XKR4: variants seen among roughly 807,000 people sequenced by gnomAD.
XKR4 encodes XK related 4, also known as XK-related protein 4.
In XKR4, 12 loss-of-function variants were observed where a neutral mutation model predicts 53.9. The ratio of observed to expected loss-of-function variants is 0.22; its 90% CI spans 0.14 to 0.36. The LOEUF is 0.36. Ranked by LOEUF, XKR4 falls within the 10% of genes least tolerant of loss-of-function variation. The probability of loss-of-function intolerance (pLI) is 1.00; values close to 1 mark genes in which losing one functional copy is unlikely to be tolerated. For missense variants in XKR4, 799 were observed against 859.5 expected (o/e 0.93, Z 0.88); for synonymous variants, 354 against 362.4 (o/e 0.98, Z 0.26).
intron 1 of XKR4, among the ~76,000 whole-genome samples, chr8:55,168,942 A>G (rs751117467): frequency 6.6e-6 from 1 of 152,200 alleles, no homozygotes; most frequent in African/African-American, 2.4e-5. Context: ...CTGCAGGCCT[A>G]TGAAAAATCC....
intron 1 of XKR4, among the ~76,000 whole-genome samples, chr8:55,262,156 G>C (rs964841112): frequency 2.0e-5 from 3 of 152,118 alleles, no homozygotes; most frequent in African/African-American, 7.2e-5. Context: ...AAATAGGTAG[G>C]ATATTGATAA....
intron 1 of XKR4, among the ~76,000 whole-genome samples, chr8:55,247,789 C>T (rs879506727): frequency 8.0e-5 from 12 of 150,576 alleles, no homozygotes; most frequent in Non-Finnish European, 1.5e-4. Context: ...GCTACTCTTT[C>T]AGTAACCAGT....
chr8:55,450,360 G>C (rs1805418890), intron 2 of XKR4: 1 of 680,346 alleles, frequency 1.5e-6, no homozygotes, highest in African/African-American at 1.8e-5. Context: ...CGTTGCTGTA[G>C]GGCCGCAGGA....
At chr8:55,450,483 C>G (rs913380131) in intron 2 of XKR4, 12 of 616,068 alleles carry the variant, frequency 1.9e-5, no homozygotes, top group African/African-American at 1.9e-4. Flanking sequence ...CCCTTCTCCT[C>G]GTACAGCAGC....
At chr8:55,458,732 T>A (rs1805607027) in intron 2 of XKR4, among the ~76,000 whole-genome samples, 1 of 152,230 alleles carries the variant, frequency 6.6e-6, no homozygotes, top group Non-Finnish European at 1.5e-5. Flanking sequence ...AAGCTGTCCC[T>A]CTGAAGTCAA....
intron 2 of XKR4, among the ~76,000 whole-genome samples, chr8:55,469,417 C>G (rs2939656): frequency 0.41 from 62,341 of 151,910 alleles, 13,466 homozygotes; most frequent in East Asian, 0.53. Context: ...AATATTTCCT[C>G]ATTACACACT....
intron 2 of XKR4, among the ~76,000 whole-genome samples, chr8:55,477,649 A>G (rs1432984164): frequency 6.6e-6 from 1 of 152,096 alleles, no homozygotes; most frequent in Non-Finnish European, 1.5e-5. Flanking sequence ...AAGAAGTTAA[A>G]AACGGTGAAA....
intron 1 of XKR4, among the ~76,000 whole-genome samples, chr8:55,341,931 C>T (rs1475414124): frequency 6.6e-6 from 1 of 152,122 alleles, no homozygotes; most frequent in African/African-American, 2.4e-5. Flanking sequence ...TAAGTGAGGG[C>T]AGTCTCATCT....
intron 2 of XKR4, among the ~76,000 whole-genome samples, chr8:55,381,870 G>A (rs1804238967): frequency 6.6e-6 from 1 of 152,198 alleles, no homozygotes; most frequent in Admixed American, 6.5e-5. Flanking sequence ...CACATGGAAT[G>A]TGTATTCTTA....
intron 2 of XKR4, among the ~76,000 whole-genome samples, chr8:55,421,981 A>G (rs2658892): frequency 0.056 from 8,595 of 152,294 alleles, 334 homozygotes; most frequent in Non-Finnish European, 0.082. Context: ...TACACCAAGG[A>G]GAAGCTGTAT....
chr8:55,354,901 A>G lies in XKR4; in HGVS notation c.807-2777A>G, dbSNP rs541205265. ...GATGATGGATAGGACTCATCAGTAT[A>G]GAATTTTTTTTTTTTTTTTGAGATG... On this transcript the variant is annotated intron_variant, in intron 1 of 2. Transcript: ENST00000327381. Among the ~76,000 whole-genome samples, 172 of 148,944 alleles carry G rather than the reference A, an allele frequency of 1.2e-3. 4 individuals are homozygous for G. Among genetic ancestry groups the G allele is most frequent in the African/African-American group, 3.3e-3 (129 of 39,360 alleles).
intron 2 of XKR4, among the ~76,000 whole-genome samples, chr8:55,433,860 T>C (rs979047226): frequency 5.9e-5 from 9 of 152,058 alleles, no homozygotes; most frequent in Non-Finnish European, 1.0e-4. Context: ...ATCCCATCTC[T>C]ACAAAAAATT....
intron 2 of XKR4, among the ~76,000 whole-genome samples, chr8:55,482,400 G>A (rs1014047056): frequency 3.9e-5 from 6 of 152,056 alleles, no homozygotes; most frequent in African/African-American, 1.4e-4. Flanking sequence ...CTGTTATGGG[G>A]TCGGGGCATG....
chr8:55,204,971 T>C (rs991031261), intron 1 of XKR4, among the ~76,000 whole-genome samples: 1 of 152,186 alleles, frequency 6.6e-6, no homozygotes, highest in Non-Finnish European at 1.5e-5. Flanking sequence ...GGTGCCTGGC[T>C]AGGCACTGAC....
Position 55,536,434 on chromosome 8 carries a change from T to C in XKR4, c.*12207T>C, listed in dbSNP as rs1171782724. ...CAAGGAGTTATTAAAAAATAAAGAC[T>C]GTCCACATGACTGCAAATATCCTGA... On this transcript the variant is annotated 3_prime_UTR_variant, in exon 3 of 3. Transcript: ENST00000327381. The C allele has an allele frequency of 3.3e-5, 5 of 152,316 alleles. No homozygotes were observed. The highest frequency in any genetic ancestry group is 7.2e-5 in the African/African-American group (3 of 41,578). 9.4% of individuals were successfully genotyped at this position (152,316 alleles called of 1,614,324 possible). A position where few individuals can be genotyped will look rare whatever the true frequency, so the allele number is the denominator to read the frequency against.
intron 1 of XKR4, among the ~76,000 whole-genome samples, chr8:55,195,430 A>G (rs1817492647): frequency 6.8e-6 from 1 of 147,646 alleles, no homozygotes; most frequent in Admixed American, 6.8e-5. Context: ...AAAATATACT[A>G]TTATATATAA....
At position 55,271,997 on chromosome 8, in the gene XKR4, G is replaced by T. The variant is rs187474646; in HGVS notation, c.807-85681G>T. The stretch of plus-strand genomic sequence containing the variant: ...TTATATGGTCTAGCCTTGTCCATTT[G>T]TATCTTCAGTCTCTCAAGACAATAA... On this transcript the variant is annotated intron_variant, in intron 1 of 2. Transcript: ENST00000327381. Among the ~76,000 whole-genome samples, 32 of 152,276 alleles carry T rather than the reference G, an allele frequency of 2.1e-4. No individual in the cohort carries two copies. In the East Asian group the frequency reaches 6.0e-3, roughly 28 times the overall value.
chr8:55,277,348 T>C (rs906135839), intron 1 of XKR4, among the ~76,000 whole-genome samples: 4 of 152,230 alleles, frequency 2.6e-5, no homozygotes, highest in Non-Finnish European at 4.4e-5. Context: ...GGCAGAGCTA[T>C]TTTATATGTA....
intron 1 of XKR4, among the ~76,000 whole-genome samples, chr8:55,186,529 G>T (rs537455455): frequency 3.3e-5 from 5 of 151,998 alleles, no homozygotes; most frequent in African/African-American, 1.2e-4. Flanking sequence ...GGTGGCAGGC[G>T]CTTGTAGCCC....
Sources: gnomAD v4.1 joint callset for allele counts (sites outside exome capture counted in the v4.1 genomes callset) on GRCh38, gnomAD v4.1.1 for gene constraint, MANE v1.5 for transcripts, NCBI Gene and HGNC (gene_info 2026-07-23, HGNC 2026-07-21) for gene names.